Variants in DMBT1 observed in about 807,000 individuals in gnomAD.
DMBT1 encodes deleted in malignant brain tumors 1.
A neutral mutation model predicts 252.9 loss-of-function variants in DMBT1; 198 were observed. The observed-to-expected ratio is 0.78, with a 90% CI of 0.70 to 0.88. The LOEUF (loss-of-function observed/expected upper bound fraction) is 0.88, where lower values mean the gene tolerates loss of function less well. Ranked by LOEUF, DMBT1 falls within the 40% of genes least tolerant of loss-of-function variation. The pLI is 0.00. For synonymous variants in DMBT1, 990 were observed against 942.7 expected (o/e 1.05, Z -0.92); for missense variants, 2,432 against 2,404.7 (o/e 1.01, Z -0.24).
At chr10:122,635,887 T>G (rs2098223148) in intron 52 of DMBT1, 104 bp from the exon 53 acceptor site, 7 of 1,234,456 alleles carry the variant, frequency 5.7e-6, no homozygotes, top group Non-Finnish European at 8.1e-6. Flanking sequence ...CGATGAACTT[T>G]GTCAGAGTTT....
Position 122,592,440 on chromosome 10 carries a change from C to A in DMBT1, c.2345C>A (p.Ala782Asp), listed in dbSNP as rs764149835. 73 of 1,588,238 alleles carry A rather than the reference C, an allele frequency of 4.6e-5. 9 individuals are homozygous for A. Among genetic ancestry groups the A allele is most frequent in the Non-Finnish European group, 6.2e-5 (72 of 1,165,722 alleles). Residue 782 changes from alanine (A) to aspartate (D), a missense_variant, in exon 20 of 56, where the codon GCC becomes GAC. Ala to Asp is a moderately radical substitution (Grantham distance 126). Around this residue, in one of 3 missense-constraint regions of DMBT1, gnomAD observed 1,264 missense variants for 1,082.2 expected, o/e 1.17. Coordinates refer to ENST00000338354, the MANE Select transcript of DMBT1 (RefSeq NM_001377530.1). The stretch of plus-strand genomic sequence containing the variant: ...CTGGGCTGTGGCTGGGCCACGTCGG[C>A]CCCAGGAAATGCCCGGTTTGGCCAG... ...RQLGCGWATS[A>D]PGNARFGQGS...
At chr10:122,628,309 C>T (rs1225195079) in intron 46 of DMBT1, among the ~76,000 whole-genome samples, 2 of 152,162 alleles carry the variant, frequency 1.3e-5, no homozygotes, top group Non-Finnish European at 2.9e-5. Flanking sequence ...TATGATATGT[C>T]CATGCAGTGG....
At chr10:122,574,148 G>A (rs574083687) in intron 6 of DMBT1, among the ~76,000 whole-genome samples, 1 of 152,322 alleles carries the variant, frequency 6.6e-6, no homozygotes, top group East Asian at 1.9e-4. Flanking sequence ...TAGCCAAATT[G>A]CTAGGACAGC....
rs1052715 is a variant in DMBT1, at chr10:122,643,161, A to G, written c.7392A>G (p.Pro2464=). 740,385 of 1,613,560 alleles carry G rather than the reference A, an allele frequency of 0.46. 179,724 individuals are homozygous for G. Among genetic ancestry groups the G allele is most frequent in the African/African-American group, 0.83 (61,864 of 74,938 alleles). ...ACACCTACGGACCCTACTCCTCGCC[A>G]TCTCTTCGCATTGCCCGCTTCCGGT... ...RDDTYGPYSS[P]SLRIARFRFR... is the part of the protein sequence containing the mutation. The change falls in exon 56 of 56, where the codon CCA becomes CCG. Residue 2464 remains proline, a synonymous_variant. Transcript: ENST00000338354.
chr10:122,572,401 C>T (rs774553327), intron 5 of DMBT1, 40 bp downstream of exon 5: 1 of 1,605,310 alleles, frequency 6.2e-7, no homozygotes, highest in Non-Finnish European at 8.5e-7. Flanking sequence ...GCTCATTACC[C>T]CTCTGTACTC....
intron 17 of DMBT1, among the ~76,000 whole-genome samples, chr10:122,590,240 C>T (rs537799266): frequency 1.3e-5 from 2 of 149,124 alleles, no homozygotes; most frequent in East Asian, 4.1e-4. Context: ...ACTGCAGCAT[C>T]TTGCCTGTAC....
Position 122,601,052 on chromosome 10 carries a change from G to A in DMBT1, c.3343+29G>A, listed in dbSNP as rs538495678. ...AATAATCCTCTCACCCCTCCCTAGGGCTCACTGTCTCTGGACATATTTTGT... is the reference window on the plus strand; with the variant it reads ...AATAATCCTCTCACCCCTCCCTAGGACTCACTGTCTCTGGACATATTTTGT... On this transcript the variant is annotated intron_variant, in intron 28 of 55. Transcript: ENST00000338354. 30 of 810,104 alleles carry A rather than the reference G, an allele frequency of 3.7e-5. No individual in the cohort carries two copies. In the East Asian group the frequency reaches 3.8e-4, roughly 10 times the overall value. The allele number at this position is 810,104 out of a possible 1,614,324, so 50.2% of individuals were successfully genotyped here.
At chr10:122,631,663 C>T (rs1346806318) in intron 49 of DMBT1, among the ~76,000 whole-genome samples, 192 bp from the exon 50 acceptor site, 1 of 152,062 alleles carries the variant, frequency 6.6e-6, no homozygotes, top group Admixed American at 6.5e-5. Context: ...CTGATGACCA[C>T]AAGTATGACG....
At chr10:122,619,112 C>A (rs1009808438) in intron 41 of DMBT1, among the ~76,000 whole-genome samples, 196 bp from the exon 42 acceptor site, 1 of 152,202 alleles carries the variant, frequency 6.6e-6, no homozygotes, top group East Asian at 1.9e-4. Context: ...TCGGAGCTGA[C>A]AATAGTGGCC....
chr10:122,560,781 C>T lies in DMBT1; in HGVS notation c.11C>T (p.Ser4Phe). The T allele has an allele frequency of 6.4e-7, 1 of 1,572,262 alleles. No homozygotes were observed. The highest frequency in any genetic ancestry group is 8.6e-7 in the Non-Finnish European group (1 of 1,156,828). Residue 4 changes from serine to phenylalanine, a missense_variant, in exon 1 of 56, where the codon TCC (serine) becomes TTC (phenylalanine). Physicochemically the swap from Ser to Phe is radical, Grantham distance 155 (BLOSUM62 -2). This residue lies in a region of DMBT1 where 1,264 missense variants were observed against 1,082.2 expected (regional missense o/e 1.17). Coordinates refer to ENST00000338354, the MANE Select transcript of DMBT1 (RefSeq NM_001377530.1). ...GAAGAACCCAGCAAAATGGGGATCTCCACAGTCATCCTTGAAATGTGTCTT... is the reference window on the plus strand; with the variant it reads ...GAAGAACCCAGCAAAATGGGGATCTTCACAGTCATCCTTGAAATGTGTCTT... MGI[S>F]TVILEMCLLW...
intron 45 of DMBT1, 72 bp from the exon 46 acceptor site, chr10:122,625,861 C>T (rs1016876378): frequency 2.4e-6 from 3 of 1,258,856 alleles, no homozygotes; most frequent in Admixed American, 1.7e-5. Flanking sequence ...TTAACTTTGT[C>T]AGTCAAACAA....
At chr10:122,619,434 A>G in intron 42 of DMBT1, 97 bp downstream of exon 42, 1 of 1,503,410 alleles carries the variant, frequency 6.7e-7, no homozygotes, top group South Asian at 1.2e-5. Flanking sequence ...CTGTGCGGAT[A>G]CTGTGGGGCA....
intron 7 of DMBT1, 61 bp from the exon 8 acceptor site, chr10:122,577,750 C>T: frequency 6.3e-7 from 1 of 1,599,572 alleles, no homozygotes; most frequent in South Asian, 1.1e-5. Flanking sequence ...TCACTTCAGC[C>T]TTAACTCTAC....
At chr10:122,567,711 C>T (rs866981642) in intron 2 of DMBT1, among the ~76,000 whole-genome samples, 36 of 152,136 alleles carry the variant, frequency 2.4e-4, no homozygotes, top group African/African-American at 7.2e-4. Context: ...AGTGGCATCA[C>T]GTCGGGCAGG....
At chr10:122,630,899 G>T (rs1178227625) in intron 48 of DMBT1, 62 bp from the exon 49 acceptor site, 1 of 1,524,602 alleles carries the variant, frequency 6.6e-7, no homozygotes, top group Non-Finnish European at 8.9e-7. Flanking sequence ...GGCCTTTGAG[G>T]TTTGTTGTGG....
intron 51 of DMBT1, 144 bp downstream of exon 51, chr10:122,633,034 G>T: frequency 5.3e-6 from 8 of 1,510,722 alleles, no homozygotes; most frequent in Non-Finnish European, 7.2e-6. Flanking sequence ...GCCCTCAGTG[G>T]ACGGTCCAGA....
Position 122,578,778 on chromosome 10 carries a change from A to T in DMBT1, c.679+19A>T, listed in dbSNP as rs902973063. 1.9e-6 allele frequency: 3 copies of T among 1,598,108 alleles called. No individual in the cohort carries two copies. The African/African-American group carries it at 4.0e-5, about 21-fold the overall frequency. ...ACAGAAGGTAAAGAATCCTCTCAAC[A>T]CTCCCTGGGGCTCACTTTCTACCTC... On this transcript the variant is annotated intron_variant, in intron 9 of 55. Coordinates refer to ENST00000338354, the MANE Select transcript of DMBT1 (RefSeq NM_001377530.1).
At chr10:122,562,849 C>A (rs2133495416) in intron 1 of DMBT1, among the ~76,000 whole-genome samples, 1 of 152,304 alleles carries the variant, frequency 6.6e-6, no homozygotes, top group South Asian at 2.1e-4. Context: ...AAGTTAGGAA[C>A]AATTATTTCC....
rs1357753184 is a variant in DMBT1 at position 122,572,252 on chromosome 10, T to C, written c.188-62T>C. 8.1e-6 allele frequency: 13 copies of C among 1,605,434 alleles called. No homozygotes were observed. The Admixed American group carries it at 1.3e-4, about 16-fold the overall frequency. On this transcript the variant is annotated intron_variant, in intron 4 of 55. Transcript: ENST00000338354. ...CCTTGCTTCAGACCTGAGGAAGCCA[T>C]GGACCAACCCTCTTCAAGCAAGGGC...
Sources: allele counts gnomAD v4.1 joint callset (sites outside exome capture counted in the v4.1 genomes callset), GRCh38; gene constraint gnomAD v4.1.1; regional missense constraint gnomAD v4.1.1; transcripts MANE v1.5; gene names NCBI Gene and HGNC (gene_info 2026-07-23, HGNC 2026-07-21).